The following ACOT12 variants were observed in gnomAD, a reference collection of about 807,000 sequenced individuals.
ACOT12 encodes acyl-CoA thioesterase 12.
In ACOT12, 51 loss-of-function variants were observed where a neutral mutation model predicts 67.7. The ratio of observed to expected loss-of-function variants is 0.75; its 90% CI spans 0.60 to 0.95. ACOT12 has a LOEUF of 0.95. Ranked by LOEUF, ACOT12 falls within the 40% of genes least tolerant of loss-of-function variation. ACOT12 has a pLI of 0.00. For missense variants in ACOT12, 734 were observed against 708.1 expected (o/e 1.04, Z -0.41); for synonymous variants, 251 against 244.6 (o/e 1.03, Z -0.24).
At chr5:81,360,924 A>G (rs1364075373) in intron 4 of ACOT12, among the ~76,000 whole-genome samples, 1 of 151,700 alleles carries the variant, frequency 6.6e-6, no homozygotes, top group Non-Finnish European at 1.5e-5. Flanking sequence ...CTAAAAATAC[A>G]AAAAGTAACC....
chr5:81,391,618 T>C (rs1029228581), intron 1 of ACOT12, among the ~76,000 whole-genome samples: 1 of 152,160 alleles, frequency 6.6e-6, no homozygotes, highest in Non-Finnish European at 1.5e-5. Context: ...ACAAAACATA[T>C]GACATGATCA....
At chr5:81,384,756 T>C (rs1490503853) in intron 2 of ACOT12, among the ~76,000 whole-genome samples, 2 of 152,170 alleles carry the variant, frequency 1.3e-5, no homozygotes, top group Admixed American at 6.5e-5. Context: ...CATTTACAGA[T>C]GATGCTTGGG....
downstream of ACOT12, among the ~76,000 whole-genome samples, chr5:81,325,175 G>A (rs576812274): frequency 1.3e-5 from 2 of 152,246 alleles, no homozygotes; most frequent in East Asian, 1.9e-4. Context: ...AGTGAAAGGC[G>A]CATGGATGGG....
intron 11 of ACOT12, among the ~76,000 whole-genome samples, chr5:81,340,687 G>A (rs1316431537): frequency 6.6e-6 from 1 of 152,116 alleles, no homozygotes; most frequent in African/African-American, 2.4e-5. Flanking sequence ...ACAGACAACT[G>A]TGTTGTAAGA....
At chr5:81,389,761 A>T (rs1010582020) in intron 1 of ACOT12, among the ~76,000 whole-genome samples, 1 of 152,028 alleles carries the variant, frequency 6.6e-6, no homozygotes. Context: ...TTCTGACCTC[A>T]GGTGATTTGC....
chr5:81,389,061 T>C (rs1235544164), intron 1 of ACOT12, among the ~76,000 whole-genome samples: 1 of 152,120 alleles, frequency 6.6e-6, no homozygotes, highest in Non-Finnish European at 1.5e-5. Flanking sequence ...AGCATGAAAA[T>C]GGACTAATAC....
At chr5:81,326,117 C>CTTTTTTTTTTT (rs1199895738), downstream of ACOT12, among the ~76,000 whole-genome samples, 2 of 77,032 alleles carry the variant, frequency 2.6e-5, no homozygotes, top group Non-Finnish European at 2.3e-5. Flanking sequence ...CCCTGAGATT[C>CTTTTTTTTTTT]TTTTTTTTTT....
At chr5:81,357,733 C>T (rs905187260) in intron 5 of ACOT12, among the ~76,000 whole-genome samples, 8 of 152,112 alleles carry the variant, frequency 5.3e-5, no homozygotes, top group Admixed American at 2.6e-4. Flanking sequence ...TTGCTGGGCG[C>T]GGTGACTCAC....
intron 9 of ACOT12, 124 bp downstream of exon 9, chr5:81,344,036 G>C: frequency 1.6e-6 from 2 of 1,269,356 alleles, no homozygotes; most frequent in Non-Finnish European, 2.2e-6. Flanking sequence ...CAGCCTTTGC[G>C]GCCAGGAAAC....
intron 7 of ACOT12, among the ~76,000 whole-genome samples, chr5:81,345,299 G>C (rs1759346365): frequency 6.6e-6 from 1 of 152,174 alleles, no homozygotes; most frequent in Non-Finnish European, 1.5e-5. Flanking sequence ...AAAAGGCCAG[G>C]AAGGGCTTTA....
chr5:81,357,379 C>T (rs149825919), intron 5 of ACOT12, among the ~76,000 whole-genome samples: 71 of 152,288 alleles, frequency 4.7e-4, no homozygotes, highest in African/African-American at 1.5e-3. Flanking sequence ...ACATGACAGG[C>T]GTTTCATACA....
chr5:81,394,078 G>T lies in ACOT12; in HGVS notation c.37C>A (p.Gln13Lys). 2 of 1,470,798 alleles carry T rather than the reference G, an allele frequency of 1.4e-6. No homozygotes were observed. Among genetic ancestry groups the T allele is most frequent in the East Asian group, 3.0e-5 (1 of 33,462 alleles). 91.1% of individuals were successfully genotyped at this position (1,470,798 alleles called of 1,614,324 possible). The stretch of plus-strand genomic sequence containing the variant: ...GTGGCGTGCGCCGGCTGGATGGCTT[G>T]GCTCATGACCACCTCGCCGGGCGCC... ...RPAPGEVVMSQAIQPAHATAR... is the reference protein window; with the variant it reads ...RPAPGEVVMSKAIQPAHATAR... The change falls in exon 1 of 15, where the codon CAA becomes AAA. Residue 13 changes from glutamine (Q) to lysine (K), a missense_variant. Coordinates refer to ENST00000307624, the MANE Select transcript of ACOT12 (RefSeq NM_130767.3).
rs138381368 is a variant in ACOT12, at chr5:81,345,928, G to C, written c.730C>G (p.Arg244Gly). 7 of 1,613,828 alleles carry C rather than the reference G, an allele frequency of 4.3e-6. No homozygotes were observed. Among genetic ancestry groups the C allele is most frequent in the African/African-American group, 4.0e-5 (3 of 74,894 alleles). The stretch of plus-strand genomic sequence containing the variant: ...TTGACAATGGCAGTGAAGACAAGAC[G>C]ATCTCCAACTGTAGATGGTCCCCGG... ...KFRGPSTVGD[R>G]LVFTAIVNNT... The change falls in exon 7 of 15, where the codon CGT (arginine) becomes GGT (glycine). Residue 244 changes from arginine to glycine, a missense_variant. Arg to Gly is a moderately radical substitution (Grantham distance 125). Coordinates refer to ENST00000307624, the MANE Select transcript of ACOT12 (RefSeq NM_130767.3).
intron 4 of ACOT12, among the ~76,000 whole-genome samples, chr5:81,361,247 C>T (rs1488055653): frequency 6.6e-6 from 1 of 151,306 alleles, no homozygotes; most frequent in Admixed American, 6.6e-5. Context: ...GGGTCTCACT[C>T]TGTTGCCCAG....
At chr5:81,325,547 G>T (rs775239694), downstream of ACOT12, among the ~76,000 whole-genome samples, 8 of 151,944 alleles carry the variant, frequency 5.3e-5, no homozygotes, top group Non-Finnish European at 7.4e-5. Context: ...AATCTAAGCC[G>T]GACAAGGAAA....
At chr5:81,312,702 C>T in the ACOT12 span, 2 of 1,454,078 alleles carry the variant, frequency 1.4e-6, no homozygotes, top group African/African-American at 2.8e-5. Context: ...CTCATTGTTA[C>T]TTTCTAAACC....
intron 6 of ACOT12, among the ~76,000 whole-genome samples, chr5:81,347,189 C>T (rs1459466387): frequency 1.3e-5 from 2 of 152,298 alleles, no homozygotes; most frequent in East Asian, 3.9e-4. Context: ...GTGATCATAG[C>T]TCACTGTAGC....
chr5:81,389,308 C>A (rs570183619), intron 1 of ACOT12, among the ~76,000 whole-genome samples: 16 of 152,264 alleles, frequency 1.1e-4, no homozygotes, highest in Non-Finnish European at 2.4e-4. Context: ...AGGCTATGCA[C>A]AGGGCCTTGA....
At chr5:81,324,549 CT>C in the ACOT12 span, among the ~76,000 whole-genome samples, 2 of 152,240 alleles carry the variant, frequency 1.3e-5, no homozygotes, top group South Asian at 4.1e-4. Flanking sequence ...AAATAGATGG[CT>C]TTTAAACCCA....
Sources: allele counts gnomAD v4.1 joint callset (sites outside exome capture counted in the v4.1 genomes callset), GRCh38; gene constraint gnomAD v4.1.1; transcripts MANE v1.5; gene names NCBI Gene and HGNC (gene_info 2026-07-23, HGNC 2026-07-21).